Variants in ADAMTS12 observed in about 807,000 individuals in gnomAD.
ADAMTS12 encodes the protein A disintegrin and metalloproteinase with thrombospondin motifs 12.
ADAMTS12 carries 118 observed loss-of-function variants against 167.8 expected under a neutral mutation model. That is an observed-to-expected ratio of 0.70 (90% CI 0.61 to 0.82). The LOEUF is 0.82. Among genes scored for constraint, ADAMTS12 ranks in the 40% least tolerant of loss-of-function variants. ADAMTS12 has a pLI of 0.00. For synonymous variants in ADAMTS12, 704 were observed against 716.9 expected (o/e 0.98, Z 0.29); for missense variants, 1,916 against 1,998.8 (o/e 0.96, Z 0.79).
chr5:33,547,237 G>A (rs1164473861), intron 21 of ADAMTS12, among the ~76,000 whole-genome samples: 1 of 152,136 alleles, frequency 6.6e-6, no homozygotes, highest in Admixed American at 6.5e-5. Context: ...TCAAAAAAGT[G>A]GTTCTCAAAT....
intron 2 of ADAMTS12, among the ~76,000 whole-genome samples, chr5:33,876,326 T>C (rs941621602): frequency 6.6e-6 from 1 of 152,132 alleles, no homozygotes; most frequent in African/African-American, 2.4e-5. Context: ...GAAACTAAAA[T>C]TACTAAAACA....
chr5:33,801,310 G>A (rs6866225), intron 2 of ADAMTS12, among the ~76,000 whole-genome samples: 19,479 of 152,178 alleles, frequency 0.13, 1,467 homozygotes, highest in Non-Finnish European at 0.16. Flanking sequence ...ATCAGCCATG[G>A]TGGGAGTATT....
chr5:33,674,362 A>T lies in ADAMTS12; in HGVS notation c.915+8656T>A, dbSNP rs377152460. Among the ~76,000 whole-genome samples, 9 of 152,324 alleles carry T rather than the reference A, an allele frequency of 5.9e-5. No individual in the cohort carries two copies. The East Asian group carries it at 1.3e-3, about 23-fold the overall frequency. ...CTGTAATAGGAACTGCTAGTAGAAG[A>T]TTCTACATGGGTGTCTCGTGTTTCT... is the stretch of plus-strand genomic sequence containing the variant. On this transcript the variant is annotated intron_variant, in intron 5 of 23. Coordinates refer to ENST00000504830, the MANE Select transcript of ADAMTS12 (RefSeq NM_030955.4).
At chr5:33,709,614 C>G (rs1176885385) in intron 3 of ADAMTS12, among the ~76,000 whole-genome samples, 1 of 151,998 alleles carries the variant, frequency 6.6e-6, no homozygotes, top group Non-Finnish European at 1.5e-5. Context: ...AACAGAAAAC[C>G]AAACACTGCA....
Position 33,884,825 on chromosome 5 carries a change from AC to A in ADAMTS12, c.128-3346del, listed in dbSNP as rs1750580806. Among the ~76,000 whole-genome samples the A allele has an allele frequency of 2.0e-5, 3 of 152,330 alleles. No homozygotes were observed. The South Asian group carries it at 6.2e-4, about 32-fold the overall frequency. The stretch of plus-strand genomic sequence containing the variant: ...ACAAAAGAAAGAGTCCCATTTGAAT[AC>A]CCTGTTATACATGCAAGTTTCTGCA... On this transcript the variant is annotated intron_variant, in intron 1 of 23. Transcript: ENST00000504830.
intron 8 of ADAMTS12, 111 bp downstream of exon 8, chr5:33,649,443 T>G (rs1740794739): frequency 3.0e-6 from 4 of 1,353,736 alleles, no homozygotes; most frequent in Admixed American, 2.3e-5. Flanking sequence ...CATGGTGGCC[T>G]GTGGGATGGA....
intron 18 of ADAMTS12, 147 bp downstream of exon 18, chr5:33,588,452 A>G (rs1747466916): frequency 1.1e-6 from 1 of 930,970 alleles, no homozygotes; most frequent in Non-Finnish European, 1.7e-6. Context: ...TAGTGGACAC[A>G]GGAAAGGCAG....
intron 2 of ADAMTS12, among the ~76,000 whole-genome samples, chr5:33,763,962 T>C (rs993725280): frequency 6.6e-6 from 1 of 152,080 alleles, no homozygotes; most frequent in Non-Finnish European, 1.5e-5. Flanking sequence ...AATGCATACT[T>C]GATACAGCTG....
chr5:33,870,413 A>T (rs1403189412), intron 2 of ADAMTS12, among the ~76,000 whole-genome samples: 1 of 152,198 alleles, frequency 6.6e-6, no homozygotes, highest in Non-Finnish European at 1.5e-5. Context: ...TAATTTGGGG[A>T]AGGAACTAAC....
chr5:33,622,303 CATA>C (rs1230022835), intron 14 of ADAMTS12, among the ~76,000 whole-genome samples: 1 of 152,100 alleles, frequency 6.6e-6, no homozygotes, highest in Non-Finnish European at 1.5e-5. Context: ...ATTGAGTTAT[CATA>C]ATATTAGAAG....
chr5:33,621,881 A>G (rs1739348969), intron 14 of ADAMTS12, among the ~76,000 whole-genome samples: 1 of 152,224 alleles, frequency 6.6e-6, no homozygotes, highest in Non-Finnish European at 1.5e-5. Context: ...TACCTGGTAT[A>G]TGTTTTGAGA....
rs1258180246 is a variant in ADAMTS12, at chr5:33,628,363, A to G, written c.2022+2417T>C. Among the ~76,000 whole-genome samples, 5 of 152,174 alleles carry G rather than the reference A, an allele frequency of 3.3e-5. No homozygotes were observed. The South Asian group carries it at 6.2e-4, about 19-fold the overall frequency. On this transcript the variant is annotated intron_variant, in intron 13 of 23. Transcript: ENST00000504830. ...CTATGTCATCCTGGTAATTTAAAAC[A>G]GAAGGTGTCCTGAAAAGTCAAAGTT...
intron 14 of ADAMTS12, among the ~76,000 whole-genome samples, chr5:33,621,619 A>G (rs1176109257): frequency 6.6e-6 from 1 of 152,188 alleles, no homozygotes; most frequent in Non-Finnish European, 1.5e-5. Flanking sequence ...TAAAGAGGTT[A>G]TACCATTAAC....
intron 3 of ADAMTS12, among the ~76,000 whole-genome samples, chr5:33,741,683 A>G (rs2112372724): frequency 6.6e-6 from 1 of 152,220 alleles, no homozygotes; most frequent in South Asian, 2.1e-4. Context: ...GCTGGAGTGC[A>G]GTGGTGCGAT....
At chr5:33,858,657 C>CAAAAAAAAAA in intron 2 of ADAMTS12, among the ~76,000 whole-genome samples, 1 of 80,982 alleles carries the variant, frequency 1.2e-5, no homozygotes. Context: ...GACATCATCT[C>CAAAAAAAAAA]AAAAAAAAAA....
intron 16 of ADAMTS12, among the ~76,000 whole-genome samples, chr5:33,597,070 A>G (rs1030224879): frequency 1.3e-5 from 2 of 152,188 alleles, no homozygotes; most frequent in African/African-American, 4.8e-5. Flanking sequence ...ACCTCTCAAC[A>G]ACCCAATGAA....
intron 20 of ADAMTS12, among the ~76,000 whole-genome samples, chr5:33,550,088 C>T (rs1173720188): frequency 6.6e-6 from 1 of 152,192 alleles, no homozygotes; most frequent in Non-Finnish European, 1.5e-5. Flanking sequence ...ACAGGCCCTA[C>T]TCACTCCCTT....
intron 3 of ADAMTS12, among the ~76,000 whole-genome samples, chr5:33,705,037 C>G (rs11958410): frequency 0.61 from 92,613 of 151,528 alleles, 29,451 homozygotes; most frequent in Non-Finnish European, 0.69. Flanking sequence ...TGTGGTTATT[C>G]CTTTTTATTC....
intron 2 of ADAMTS12, among the ~76,000 whole-genome samples, chr5:33,869,522 T>G (rs1164631553): frequency 6.6e-6 from 1 of 151,906 alleles, no homozygotes; most frequent in African/African-American, 2.4e-5. Context: ...AAGGAGAAAT[T>G]TTAAAGCTGG....
Sources: gnomAD v4.1 joint callset for allele counts (sites outside exome capture counted in the v4.1 genomes callset) on GRCh38, gnomAD v4.1.1 for gene constraint, MANE v1.5 for transcripts, NCBI Gene and HGNC (gene_info 2026-07-23, HGNC 2026-07-21) for gene names.